Variants in ADGRL2 observed in about 807,000 individuals in gnomAD.
ADGRL2 encodes calcium-independent alpha-latrotoxin receptor 2.
In ADGRL2, 44 loss-of-function variants were observed where a neutral mutation model predicts 157.4. That is an observed-to-expected ratio of 0.28 (90% CI 0.22 to 0.36). The LOEUF (loss-of-function observed/expected upper bound fraction) is 0.36. Ranked by LOEUF, ADGRL2 falls within the 10% of genes least tolerant of loss-of-function variation. ADGRL2 has a pLI of 1.00. For missense variants in ADGRL2, 1,510 were observed against 1,768.9 expected (o/e 0.85, Z 2.63); for synonymous variants, 585 against 624.7 (o/e 0.94, Z 0.95).
chr1:81,746,474 G>A (rs952422707), intron 1 of ADGRL2, among the ~76,000 whole-genome samples: 1 of 152,028 alleles, frequency 6.6e-6, no homozygotes, highest in Admixed American at 6.5e-5. Context: ...ATTTTTTGTA[G>A]AGATGGGGTT....
rs527737876 is a variant in ADGRL2 at position 81,851,122 on chromosome 1, C to T, written c.73+14065C>T. Among the ~76,000 whole-genome samples the T allele has an allele frequency of 4.6e-5, 7 of 151,870 alleles. No homozygotes were observed. The South Asian group carries it at 1.2e-3, about 27-fold the overall frequency. ...AGTGTATATCTTGCAGGAATTCAGC[C>T]CTTAGGATTAACAGCTAAGTATACT... On this transcript the variant is annotated intron_variant, in intron 2 of 23. Coordinates refer to ENST00000686636, the MANE Select transcript of ADGRL2 (RefSeq NM_001366006.2).
At position 81,747,295 on chromosome 1, in the gene ADGRL2, A is replaced by G. The variant is rs187083356; in HGVS notation, c.-142-14516A>G. Among the ~76,000 whole-genome samples the G allele has an allele frequency of 1.1e-3, 154 of 144,858 alleles. No individual in the cohort carries two copies. The Middle Eastern group carries it at 0.019, about 18-fold the overall frequency. On this transcript the variant is annotated intron_variant, in intron 1 of 20. Coordinates refer to the ADGRL2 transcript ENST00000359929. Reference sequence around the variant, plus strand: ...TATATATACATGTGCATACATGTGTATATATATATATATTTTTTTTTTTGA... The same window carrying G: ...TATATATACATGTGCATACATGTGTGTATATATATATATTTTTTTTTTTGA...
chr1:81,848,142 G>T (rs2092863666), intron 2 of ADGRL2, among the ~76,000 whole-genome samples: 1 of 151,670 alleles, frequency 6.6e-6, no homozygotes, highest in African/African-American at 2.4e-5. Flanking sequence ...ATAGGGTACT[G>T]ATATGATTTG....
In ADGRL2 at chr1:81,979,894, C is replaced by T; in HGVS notation, c.3047C>T (p.Thr1016Ile). 1 of 1,605,082 alleles carries T rather than the reference C, an allele frequency of 6.2e-7. No individual in the cohort carries two copies. Among genetic ancestry groups the T allele is most frequent in the Non-Finnish European group, 8.5e-7 (1 of 1,173,018 alleles). The change falls in exon 18 of 24, where the codon ACA becomes ATA. Residue 1016 changes from threonine (T) to isoleucine (I), a missense_variant. By Grantham distance (89) the Thr-to-Ile change is moderately conservative (BLOSUM62 -1). This residue lies in a region of ADGRL2 where 497 missense variants were observed against 627.2 expected (regional missense o/e 0.79). Transcript: ENST00000686636. ...ILLNIIFLVI[T>I]LCKMVKHSNT... The stretch of plus-strand genomic sequence containing the variant: ...CTAAATATTATCTTCTTGGTGATCA[C>T]ATTGTGCAAAATGGTGAAGCATTCA...
intron 3 of ADGRL2, among the ~76,000 whole-genome samples, chr1:81,908,878 C>CT (rs35920325): frequency 1.7e-4 from 24 of 141,408 alleles, no homozygotes; most frequent in Non-Finnish European, 2.8e-4. Context: ...TTTTTTCTTT[C>CT]TTTTTTTTTT....
At chr1:81,310,810 A>G (rs753909550) in intron 1 of ADGRL2, among the ~76,000 whole-genome samples, 1 of 150,306 alleles carries the variant, frequency 6.7e-6, no homozygotes, top group Non-Finnish European at 1.5e-5. Context: ...TTCTTTTCAG[A>G]TTTGATTTCT....
intron 1 of ADGRL2, among the ~76,000 whole-genome samples, chr1:81,443,862 A>T (rs1350432229): frequency 6.6e-6 from 1 of 152,266 alleles, no homozygotes; most frequent in Non-Finnish European, 1.5e-5. Context: ...GTAATAATCA[A>T]TAAATAATGA....
chr1:81,644,624 T>C (rs987200070), intron 3 of ADGRL2, among the ~76,000 whole-genome samples: 1 of 152,200 alleles, frequency 6.6e-6, no homozygotes, highest in African/African-American at 2.4e-5. Flanking sequence ...AGATGTTCCA[T>C]GTCATATGTC....
rs1651374036 is a variant in ADGRL2, at chr1:81,950,351, A to G, written c.1373A>G (p.Lys458Arg). ...CCACCTCCAGCAGTTTCTACAACCA[A>G]AATTCCACCTATAACAAATATTTTT... ...TKPPPAVSTT[K>R]IPPITNIFPL... The change falls in exon 7 of 24, where the codon AAA becomes AGA. Residue 458 changes from lysine to arginine, a missense_variant. This residue lies in a region of ADGRL2 where 325 missense variants were observed against 333.2 expected (regional missense o/e 0.98). Transcript: ENST00000686636. 1.2e-6 allele frequency: 2 copies of G among 1,613,952 alleles called. No individual in the cohort carries two copies. Among genetic ancestry groups the G allele is most frequent in the African/African-American group, 1.3e-5 (1 of 74,920 alleles).
At chr1:81,353,588 T>C (rs6676676) in intron 1 of ADGRL2, among the ~76,000 whole-genome samples, 134,609 of 152,134 alleles carry the variant, frequency 0.88, 60,148 homozygotes, top group East Asian at 0.99. Context: ...AAATTTGTAA[T>C]GAAGATTTTA....
intron 2 of ADGRL2, among the ~76,000 whole-genome samples, chr1:81,477,558 G>A (rs1001021305): frequency 2.0e-5 from 3 of 152,194 alleles, no homozygotes; most frequent in Non-Finnish European, 4.4e-5. Flanking sequence ...TGGATAATGA[G>A]AAAATGTAGA....
At chr1:81,776,923 T>C (rs2086610713) in intron 2 of ADGRL2, among the ~76,000 whole-genome samples, 1 of 152,188 alleles carries the variant, frequency 6.6e-6, no homozygotes, top group East Asian at 1.9e-4. Context: ...TAGCAGTAAT[T>C]AACGTAATTA....
intron 4 of ADGRL2, among the ~76,000 whole-genome samples, chr1:81,939,062 T>C (rs952695266): frequency 3.3e-5 from 5 of 151,624 alleles, no homozygotes; most frequent in African/African-American, 1.2e-4. Flanking sequence ...CTATCCCCAG[T>C]AAATCCTCCA....
chr1:81,596,872 G>A (rs932962053), intron 3 of ADGRL2, among the ~76,000 whole-genome samples: 1 of 152,034 alleles, frequency 6.6e-6, no homozygotes, highest in Non-Finnish European at 1.5e-5. Flanking sequence ...GAGTGGACAC[G>A]GCTATGTACA....
chr1:81,514,040 A>C (rs2079128087), intron 2 of ADGRL2: 1 of 142,862 alleles, frequency 7.0e-6, no homozygotes, highest in African/African-American at 2.9e-5. Flanking sequence ...ATCCAGTCAA[A>C]TCAAGCTGAA....
At chr1:81,953,328 AAAAACAACTTGAGT>A (rs1319022593) in intron 10 of ADGRL2, among the ~76,000 whole-genome samples, 5 of 152,160 alleles carry the variant, frequency 3.3e-5, no homozygotes, top group Non-Finnish European at 7.3e-5. Flanking sequence ...CTGTGGATTA[AAAAACAACTTGAGT>A]AAAACAGCTA....
At chr1:81,562,854 AAATT>A (rs1006945157) in intron 2 of ADGRL2, among the ~76,000 whole-genome samples, 20 of 152,170 alleles carry the variant, frequency 1.3e-4, no homozygotes, top group Admixed American at 1.1e-3. Context: ...TATTAAAGAA[AAATT>A]AATTATGTTC....
chr1:81,508,824 C>A (rs930944452), intron 2 of ADGRL2, among the ~76,000 whole-genome samples: 1 of 152,108 alleles, frequency 6.6e-6, no homozygotes, highest in Non-Finnish European at 1.5e-5. Flanking sequence ...CCTGACATAA[C>A]CTTTAGAGGG....
intron 1 of ADGRL2, among the ~76,000 whole-genome samples, chr1:81,318,964 G>A (rs1406035097): frequency 1.3e-4 from 8 of 63,106 alleles, no homozygotes; most frequent in African/African-American, 4.5e-4. Context: ...TTTTTGAGAT[G>A]GAGTTTCACT....
Sources: allele counts gnomAD v4.1 joint callset (sites outside exome capture counted in the v4.1 genomes callset), GRCh38; gene constraint gnomAD v4.1.1; regional missense constraint gnomAD v4.1.1; transcripts MANE v1.5; gene names NCBI Gene and HGNC (gene_info 2026-07-23, HGNC 2026-07-21).